FGF13: variants seen among roughly 807,000 people sequenced by gnomAD.
FGF13 encodes fibroblast growth factor homologous factor 2.
Under a neutral mutation model 19.5 loss-of-function variants are expected in FGF13, and 2 were observed. The ratio of observed to expected loss-of-function variants is 0.10; its 90% CI spans 0.04 to 0.32. FGF13 has a LOEUF of 0.32. Among genes scored for constraint, FGF13 ranks in the 10% least tolerant of loss-of-function variants. The probability of loss-of-function intolerance (pLI) is 1.00; values close to 1 mark genes in which losing one functional copy is unlikely to be tolerated. For synonymous variants in FGF13, 72 were observed against 76.9 expected, an observed-to-expected ratio of 0.94 and a Z score of 0.33; for missense variants, 113 against 192.7, an observed-to-expected ratio of 0.59 and a Z score of 2.45.
chrX:139,176,043 G>T (rs774184692), intron 1 of FGF13, among the ~76,000 whole-genome samples: 78 of 111,711 alleles, frequency 7.0e-4, no homozygotes, highest in Non-Finnish European at 1.3e-4. Context: ...GGCTTCTTTT[G>T]GTTGGTAGGC....
chrX:138,808,674 C>A (rs1437311392), intron 3 of FGF13, among the ~76,000 whole-genome samples: 1 of 106,129 alleles, frequency 9.4e-6, no homozygotes, highest in Non-Finnish European at 1.9e-5. Context: ...ACAAGATCAA[C>A]AAAATCACTA....
At chrX:138,915,696 T>C (rs2091614455) in intron 1 of FGF13, among the ~76,000 whole-genome samples, 1 of 111,845 alleles carries the variant, frequency 8.9e-6, no homozygotes, top group South Asian at 3.8e-4. Context: ...CTCTTCATCA[T>C]TGTCACCAAT....
chrX:138,723,480 G>A (rs1023636183), intron 1 of FGF13, among the ~76,000 whole-genome samples: 3 of 110,909 alleles, frequency 2.7e-5, no homozygotes, highest in East Asian at 2.9e-4. Context: ...CCTAATTTGC[G>A]CATTCTGCTG....
chrX:138,619,557 T>C lies in FGF13; in HGVS notation c.*13293A>G, dbSNP rs2088997826. 1 of 110,958 alleles carries C rather than the reference T, an allele frequency of 9.0e-6. No homozygotes were observed. The highest frequency in any genetic ancestry group is 1.9e-5 in the Non-Finnish European group (1 of 53,043). 9.1% of individuals were successfully genotyped at this position (110,958 alleles called of 1,213,427 possible). The stretch of plus-strand genomic sequence containing the variant: ...CAACCTACAGAGTGGGAGAAAATTT[T>C]TGCAATCTATCCATCTGACAACGGT... On this transcript the variant is annotated 3_prime_UTR_variant, in exon 5 of 5. Transcript: ENST00000315930.
intron 3 of FGF13, among the ~76,000 whole-genome samples, chrX:138,803,775 A>G (rs1296077070): frequency 8.9e-6 from 1 of 112,222 alleles, no homozygotes; most frequent in East Asian, 2.8e-4. Flanking sequence ...TGACTAGCTG[A>G]TAATGTTTTG....
At chrX:138,845,856 G>A (rs1234269431) in intron 3 of FGF13, among the ~76,000 whole-genome samples, 1 of 111,698 alleles carries the variant, frequency 9.0e-6, no homozygotes, top group East Asian at 2.8e-4. Flanking sequence ...GAGGGGAAAT[G>A]GCTGAAGAAG....
At chrX:138,886,439 AT>A (rs1171988541) in intron 1 of FGF13, among the ~76,000 whole-genome samples, 2 of 112,479 alleles carry the variant, frequency 1.8e-5, no homozygotes, top group Non-Finnish European at 3.8e-5. Context: ...AAATCCTAGT[AT>A]TTTGAAAAGC....
chrX:138,917,417 C>A (rs1296953194), intron 1 of FGF13, among the ~76,000 whole-genome samples: 3 of 111,894 alleles, frequency 2.7e-5, no homozygotes, highest in African/African-American at 9.8e-5. Context: ...GCAGCCCTCA[C>A]CAGAACTCAA....
Position 139,059,840 on chromosome X carries a change from A to T in FGF13, c.-113+143576T>A, listed in dbSNP as rs899057678. ...TTAATTTTATACTGTGGAAATGAAC[A>T]TTCTTGTTTATGTCTCCTGTATACA... is the stretch of plus-strand genomic sequence containing the variant. On this transcript the variant is annotated intron_variant, in intron 1 of 2. Coordinates refer to the FGF13 transcript ENST00000421460. Among the ~76,000 whole-genome samples the T allele has an allele frequency of 3.6e-5, 4 of 111,833 alleles. 1 individual carries two copies. In the Admixed American group the frequency reaches 3.8e-4, roughly 11 times the overall value.
At chrX:138,740,410 A>AT (rs1437745718), upstream of FGF13, among the ~76,000 whole-genome samples, 1 of 111,742 alleles carries the variant, frequency 8.9e-6, no homozygotes, top group Non-Finnish European at 1.9e-5. Context: ...AAACTTACAT[A>AT]TTTTTTCATA....
chrX:139,016,443 C>T (rs971381871), intron 1 of FGF13, among the ~76,000 whole-genome samples: 4 of 111,491 alleles, frequency 3.6e-5, no homozygotes, highest in African/African-American at 1.3e-4. Flanking sequence ...GAAGTAAACA[C>T]AGGGCTGATA....
upstream of FGF13, chrX:139,204,043 C>T (rs1235186095): frequency 8.3e-7 from 1 of 1,207,380 alleles, no homozygotes; most frequent in African/African-American, 1.7e-5. Context: ...CAGGCGGACT[C>T]GGCGGGCGGG....
intron 1 of FGF13, among the ~76,000 whole-genome samples, chrX:139,042,666 T>G (rs2092273998): frequency 8.9e-6 from 1 of 111,846 alleles, no homozygotes; most frequent in African/African-American, 3.3e-5. Flanking sequence ...CCACTGTAAT[T>G]TATTCAATTT....
At chrX:138,752,444 A>C (rs2090404899) in intron 3 of FGF13, among the ~76,000 whole-genome samples, 1 of 111,967 alleles carries the variant, frequency 8.9e-6, no homozygotes, top group Non-Finnish European at 1.9e-5. Flanking sequence ...AAAAAAAATT[A>C]GATATGGAAA....
At chrX:138,937,756 C>T (rs2091739047) in intron 1 of FGF13, among the ~76,000 whole-genome samples, 1 of 111,646 alleles carries the variant, frequency 9.0e-6, no homozygotes, top group Non-Finnish European at 1.9e-5. Context: ...AACAAAAAAT[C>T]GAAGGCCAAA....
intron 3 of FGF13, among the ~76,000 whole-genome samples, chrX:138,767,501 G>A (rs746546377): frequency 9.0e-6 from 1 of 111,596 alleles, no homozygotes; most frequent in Non-Finnish European, 1.9e-5. Context: ...CAATACTTTA[G>A]TCTGGTTCTG....
intron 3 of FGF13, among the ~76,000 whole-genome samples, chrX:138,699,716 T>C (rs2089928772): frequency 8.9e-6 from 1 of 112,595 alleles, no homozygotes; most frequent in Non-Finnish European, 1.9e-5. Context: ...ACTTTCATGC[T>C]GTTATTTTCT....
intron 3 of FGF13, among the ~76,000 whole-genome samples, chrX:138,794,359 C>T (rs1323119036): frequency 9.0e-6 from 1 of 111,683 alleles, no homozygotes; most frequent in Non-Finnish European, 1.9e-5. Flanking sequence ...AGCTAATAGG[C>T]TATACTCTAG....
intron 1 of FGF13, among the ~76,000 whole-genome samples, chrX:139,188,984 C>G (rs1035416469): frequency 7.3e-5 from 8 of 110,133 alleles, no homozygotes; most frequent in Non-Finnish European, 1.5e-4. Flanking sequence ...CACATATAAA[C>G]AGGAATGGAA....
Sources: gnomAD v4.1 joint callset for allele counts (sites outside exome capture counted in the v4.1 genomes callset) on GRCh38, gnomAD v4.1.1 for gene constraint, MANE v1.5 for transcripts, NCBI Gene and HGNC (gene_info 2026-07-23, HGNC 2026-07-21) for gene names.